The following ENTREP2 variants were observed in gnomAD, a reference collection of about 807,000 sequenced individuals.
ENTREP2 encodes protein ENTREP2.
the ENTREP2 span, among the ~76,000 whole-genome samples, chr15:29,130,556 A>T: frequency 1.3e-5 from 2 of 152,200 alleles, no homozygotes; most frequent in Non-Finnish European, 2.9e-5. Context: ...GTAATAAAGA[A>T]ATATAAATAA....
chr15:29,326,149 T>C, the ENTREP2 span, among the ~76,000 whole-genome samples: 1 of 152,100 alleles, frequency 6.6e-6, no homozygotes, highest in African/African-American at 2.4e-5. Flanking sequence ...TACTGCACAC[T>C]TTCCCCCAAA....
At chr15:29,234,473 C>T in the ENTREP2 span, 42 of 1,470,274 alleles carry the variant, frequency 2.9e-5, no homozygotes, top group Admixed American at 3.2e-4. Context: ...GCCCAGCATT[C>T]GCCTATCATA....
chr15:29,486,740 C>T, the ENTREP2 span, among the ~76,000 whole-genome samples: 2 of 152,042 alleles, frequency 1.3e-5, no homozygotes, highest in Admixed American at 1.3e-4. Flanking sequence ...TACGGCAACA[C>T]AGATCAGCCT....
the ENTREP2 span, among the ~76,000 whole-genome samples, chr15:29,142,559 T>C: frequency 6.6e-6 from 1 of 152,196 alleles, no homozygotes; most frequent in Non-Finnish European, 1.5e-5. Flanking sequence ...TTGGTGATGC[T>C]GTGGCTCCCA....
At chr15:29,579,517 T>C in the ENTREP2 span, among the ~76,000 whole-genome samples, 2 of 125,200 alleles carry the variant, frequency 1.6e-5, no homozygotes, top group African/African-American at 5.7e-5. Flanking sequence ...CTTTGGTTTC[T>C]TTCTTTTTTT....
chr15:29,534,019 T>TA, the ENTREP2 span, among the ~76,000 whole-genome samples: 3 of 136,874 alleles, frequency 2.2e-5, no homozygotes, highest in Non-Finnish European at 4.5e-5. Flanking sequence ...CTGCTGCCTA[T>TA]AGAAACGATA....
At chr15:29,127,454 C>T in the ENTREP2 span, among the ~76,000 whole-genome samples, 2 of 152,188 alleles carry the variant, frequency 1.3e-5, no homozygotes, top group Non-Finnish European at 2.9e-5. Flanking sequence ...TGAGCCTGCC[C>T]ATGGGCAACA....
the ENTREP2 span, among the ~76,000 whole-genome samples, chr15:29,291,464 G>A: frequency 3.9e-5 from 6 of 152,168 alleles, no homozygotes; most frequent in Non-Finnish European, 8.8e-5. Context: ...CTGTAAACCA[G>A]TGCTCCTTTT....
At chr15:29,428,374 C>T in the ENTREP2 span, among the ~76,000 whole-genome samples, 8 of 152,056 alleles carry the variant, frequency 5.3e-5, no homozygotes, top group Admixed American at 3.3e-4. Flanking sequence ...CCACCACACA[C>T]GGCTATTTTT....
the ENTREP2 span, among the ~76,000 whole-genome samples, chr15:29,346,433 G>A: frequency 6.6e-6 from 1 of 152,138 alleles, no homozygotes; most frequent in Non-Finnish European, 1.5e-5. Context: ...CAGGGCCTGG[G>A]ATCTCAGCCC....
At chr15:29,472,534 G>A in the ENTREP2 span, among the ~76,000 whole-genome samples, 89 of 150,536 alleles carry the variant, frequency 5.9e-4, no homozygotes, top group African/African-American at 1.1e-3. Context: ...GCGCAATCTC[G>A]GCTCACTGCA....
the ENTREP2 span, among the ~76,000 whole-genome samples, chr15:29,230,748 G>C: frequency 6.6e-6 from 1 of 152,150 alleles, no homozygotes; most frequent in East Asian, 1.9e-4. Context: ...AGCCTATTTG[G>C]CAAGAGCTTA....
At chr15:29,249,363 A>C in the ENTREP2 span, among the ~76,000 whole-genome samples, 3 of 152,226 alleles carry the variant, frequency 2.0e-5, no homozygotes, top group African/African-American at 7.2e-5. Context: ...AGAAATCACA[A>C]GGCAGCATGA....
chr15:29,427,594 G>C, the ENTREP2 span, among the ~76,000 whole-genome samples: 2 of 152,032 alleles, frequency 1.3e-5, no homozygotes, highest in African/African-American at 2.4e-5. Context: ...GCACTCCTGA[G>C]TTCTGCTTCC....
At chr15:29,232,086 T>A in the ENTREP2 span, among the ~76,000 whole-genome samples, 1 of 151,960 alleles carries the variant, frequency 6.6e-6, no homozygotes, top group Non-Finnish European at 1.5e-5. Context: ...AGATGGGGTT[T>A]CGCCATGTTG....
chr15:29,606,345 C>T, the ENTREP2 span, among the ~76,000 whole-genome samples: 1 of 151,296 alleles, frequency 6.6e-6, no homozygotes, highest in Admixed American at 6.6e-5. Context: ...AGTGATTATC[C>T]TGCCTCAGCC....
chr15:29,207,852 G>A, the ENTREP2 span, among the ~76,000 whole-genome samples: 72 of 152,252 alleles, frequency 4.7e-4, 1 homozygote, highest in Non-Finnish European at 9.6e-4. Context: ...TCACTGGAGG[G>A]TTTCCCTGTT....
the ENTREP2 span, chr15:29,151,604 C>A: frequency 1.5e-6 from 1 of 676,692 alleles, no homozygotes; most frequent in Non-Finnish European, 2.6e-6. Flanking sequence ...CAGAGGGCAA[C>A]ACAAGGTGGC....
the ENTREP2 span, among the ~76,000 whole-genome samples, chr15:29,585,452 C>G: frequency 5.3e-5 from 8 of 152,186 alleles, no homozygotes; most frequent in Non-Finnish European, 1.0e-4. Flanking sequence ...GGTGAGACAC[C>G]TCTTCACACA....
Sources: gnomAD v4.1 joint callset for allele counts (sites outside exome capture counted in the v4.1 genomes callset) on GRCh38, gnomAD v4.1.1 for gene constraint, MANE v1.5 for transcripts, NCBI Gene and HGNC (gene_info 2026-07-23, HGNC 2026-07-21) for gene names.